The following DAB1 variants were observed in gnomAD, a reference collection of about 807,000 sequenced individuals.
The protein encoded by DAB1 is disabled homolog 1.
DAB1 carries 15 observed loss-of-function variants against 64.6 expected under a neutral mutation model. That is an observed-to-expected ratio of 0.23 (90% CI 0.16 to 0.36). The LOEUF is 0.36. Among genes scored for constraint, DAB1 ranks in the 10% least tolerant of loss-of-function variants. DAB1 has a pLI of 1.00. For missense variants in DAB1, 596 were observed against 706.7 expected, an observed-to-expected ratio of 0.84 and a Z score of 1.78; for synonymous variants, 235 against 251.9, an observed-to-expected ratio of 0.93 and a Z score of 0.64.
At chr1:57,730,896 C>G (rs997921187) in intron 6 of DAB1, among the ~76,000 whole-genome samples, 5 of 152,118 alleles carry the variant, frequency 3.3e-5, no homozygotes, top group Non-Finnish European at 5.9e-5. Flanking sequence ...AAGGGTGCAT[C>G]CTCTATGGAA....
At chr1:57,338,583 C>G (rs1677293740) in intron 1 of DAB1, among the ~76,000 whole-genome samples, 1 of 152,094 alleles carries the variant, frequency 6.6e-6, no homozygotes, top group Admixed American at 6.5e-5. Context: ...AAGCTGATAT[C>G]AAATATAACC....
At chr1:58,534,681 T>C (rs1646489042) in intron 1 of DAB1, among the ~76,000 whole-genome samples, 1 of 152,244 alleles carries the variant, frequency 6.6e-6, no homozygotes, top group Admixed American at 6.5e-5. Context: ...ACGCCTGTAA[T>C]CCCAGAACTA....
At chr1:57,593,139 G>A (rs1645465497) in intron 7 of DAB1, among the ~76,000 whole-genome samples, 2 of 152,070 alleles carry the variant, frequency 1.3e-5, no homozygotes, top group African/African-American at 4.8e-5. Flanking sequence ...TGTACCCATG[G>A]AAAATAATGT....
rs184128992 is a variant in DAB1 at position 57,422,468 on chromosome 1, G to C, written c.-137+1462C>G. ...CTCTTTCTAATGGAGCTAAACACAG[G>C]CGTGCGCCGACATCCAAACGCACAC... On this transcript the variant is annotated intron_variant, in intron 1 of 14. Coordinates refer to ENST00000371236, the MANE Select transcript of DAB1 (RefSeq NM_001365792.1). Among the ~76,000 whole-genome samples the C allele has an allele frequency of 4.8e-4, 73 of 152,170 alleles. 1 individual carries two copies. In the East Asian group the frequency reaches 0.013, roughly 26 times the overall value.
At chr1:57,511,581 A>G (rs758822780) in intron 7 of DAB1, among the ~76,000 whole-genome samples, 1 of 152,082 alleles carries the variant, frequency 6.6e-6, no homozygotes, top group Non-Finnish European at 1.5e-5. Flanking sequence ...TTCTTTGTTT[A>G]TTAATTTCCC....
At chr1:57,755,948 A>C (rs539604935) in intron 6 of DAB1, among the ~76,000 whole-genome samples, 11 of 152,296 alleles carry the variant, frequency 7.2e-5, no homozygotes, top group African/African-American at 2.2e-4. Context: ...AGCTTTGTGC[A>C]ATGAGGTAGG....
intron 10 of DAB1, among the ~76,000 whole-genome samples, chr1:57,025,714 C>T (rs1378142054): frequency 2.0e-5 from 3 of 152,242 alleles, no homozygotes; most frequent in Non-Finnish European, 4.4e-5. Flanking sequence ...GAACAGCAAG[C>T]ACCCAGGCAA....
intron 6 of DAB1, among the ~76,000 whole-genome samples, chr1:57,687,996 G>A (rs1438483405): frequency 1.3e-5 from 2 of 152,052 alleles, no homozygotes; most frequent in African/African-American, 4.8e-5. Flanking sequence ...TCTCAACATT[G>A]GCCTTGACAA....
At chr1:57,851,180 A>G (rs1477534743) in intron 1 of DAB1, among the ~76,000 whole-genome samples, 1 of 152,246 alleles carries the variant, frequency 6.6e-6, no homozygotes, top group Non-Finnish European at 1.5e-5. Flanking sequence ...GTCTGACAAT[A>G]GTTACAAAGA....
intron 5 of DAB1, among the ~76,000 whole-genome samples, chr1:58,141,674 A>T (rs929240896): frequency 1.3e-5 from 2 of 152,150 alleles, no homozygotes; most frequent in Non-Finnish European, 2.9e-5. Context: ...TTACATTTCA[A>T]CACGAGATTT....
At chr1:58,182,528 T>C (rs1270906867) in intron 4 of DAB1, among the ~76,000 whole-genome samples, 1 of 151,996 alleles carries the variant, frequency 6.6e-6, no homozygotes, top group Non-Finnish European at 1.5e-5. Context: ...TTATCTATCT[T>C]CAAGTTTGCT....
At chr1:58,478,688 A>AT (rs1440947976) in intron 3 of DAB1, among the ~76,000 whole-genome samples, 1 of 152,240 alleles carries the variant, frequency 6.6e-6, no homozygotes, top group Non-Finnish European at 1.5e-5. Flanking sequence ...GCAAAGCATT[A>AT]TAAGTATATA....
intron 6 of DAB1, among the ~76,000 whole-genome samples, chr1:57,785,635 C>T (rs965446372): frequency 2.6e-5 from 4 of 152,038 alleles, no homozygotes; most frequent in African/African-American, 9.7e-5. Flanking sequence ...AGAAGTGGAG[C>T]CTGAAGATGT....
intron 14 of DAB1, among the ~76,000 whole-genome samples, chr1:56,999,915 C>T (rs1372369924): frequency 6.6e-6 from 1 of 152,198 alleles, no homozygotes; most frequent in East Asian, 1.9e-4. Context: ...TGCCCGTAGA[C>T]TTTCTACTGC....
intron 2 of DAB1, among the ~76,000 whole-genome samples, chr1:57,193,559 T>G (rs1428250303): frequency 1.3e-5 from 2 of 151,912 alleles, no homozygotes; most frequent in Admixed American, 6.6e-5. Flanking sequence ...GCTAATTTTT[T>G]GTACTTTTAG....
intron 4 of DAB1, among the ~76,000 whole-genome samples, chr1:58,181,061 G>T (rs1481368688): frequency 1.3e-5 from 2 of 152,068 alleles, no homozygotes. Flanking sequence ...ATTATTAAGA[G>T]TATGATATTG....
At chr1:57,600,230 G>A (rs1417251007) in intron 7 of DAB1, among the ~76,000 whole-genome samples, 2 of 152,170 alleles carry the variant, frequency 1.3e-5, no homozygotes, top group African/African-American at 4.8e-5. Flanking sequence ...CTGGGGTCTT[G>A]TTCACCATCA....
At chr1:58,317,102 T>C (rs1279204452) in intron 4 of DAB1, among the ~76,000 whole-genome samples, 1 of 152,234 alleles carries the variant, frequency 6.6e-6, no homozygotes, top group Non-Finnish European at 1.5e-5. Flanking sequence ...GCCACAGTAC[T>C]CTTCCATCTG....
At chr1:57,359,396 C>T (rs1379907975) in intron 1 of DAB1, among the ~76,000 whole-genome samples, 1 of 151,632 alleles carries the variant, frequency 6.6e-6, no homozygotes, top group African/African-American at 2.4e-5. Context: ...ATAAGATATC[C>T]CCCTACCCCA....
Sources: allele counts gnomAD v4.1 joint callset (sites outside exome capture counted in the v4.1 genomes callset), GRCh38; gene constraint gnomAD v4.1.1; transcripts MANE v1.5; gene names NCBI Gene and HGNC (gene_info 2026-07-23, HGNC 2026-07-21).